Variants in PYGB observed in about 807,000 individuals in gnomAD.
PYGB encodes glycogen phosphorylase B.
In PYGB, 82 loss-of-function variants were observed where a neutral mutation model predicts 94.3. That is an observed-to-expected ratio of 0.87 (90% CI 0.73 to 1.04). The LOEUF is 1.04. PYGB is among the 50% of genes least tolerant of loss of function. PYGB has a pLI of 0.00. For missense variants in PYGB, 1,132 were observed against 1,158.2 expected, an observed-to-expected ratio of 0.98 and a Z score of 0.33; for synonymous variants, 488 against 479.1, an observed-to-expected ratio of 1.02 and a Z score of -0.24.
At chr20:25,268,400 T>A (rs989968535) in intron 2 of PYGB, among the ~76,000 whole-genome samples, 3 of 151,730 alleles carry the variant, frequency 2.0e-5, no homozygotes, top group Non-Finnish European at 2.9e-5. Context: ...TTTTTTTTTT[T>A]AATTAAACTT....
chr20:25,294,873 G>C (rs552756292), intron 18 of PYGB: 3 of 1,371,718 alleles, frequency 2.2e-6, no homozygotes, highest in Non-Finnish European at 3.1e-6. Flanking sequence ...TGAATCCGGC[G>C]AGGGCTGGGA....
intron 1 of PYGB, among the ~76,000 whole-genome samples, chr20:25,257,282 C>G (rs2092904538): frequency 6.6e-6 from 1 of 152,192 alleles, no homozygotes; most frequent in African/African-American, 2.4e-5. Context: ...TGTGGCCCGG[C>G]AGGCCCTGGG....
chr20:25,251,389 A>G (rs926413881), intron 1 of PYGB: 2 of 152,226 alleles, frequency 1.3e-5, no homozygotes, highest in African/African-American at 4.8e-5. Context: ...CATCTTTAAA[A>G]TGAGGGGAAT....
chr20:25,269,020 C>T (rs1415153803), intron 2 of PYGB, 109 bp from the exon 3 acceptor site: 1 of 935,838 alleles, frequency 1.1e-6, no homozygotes, highest in East Asian at 2.5e-5. Context: ...TAACAGAACC[C>T]AGACTCTAAC....
chr20:25,281,300 C>T (rs980205659), intron 11 of PYGB, among the ~76,000 whole-genome samples, 188 bp downstream of exon 11: 23 of 152,210 alleles, frequency 1.5e-4, no homozygotes, highest in South Asian at 1.0e-3. Context: ...GTGCGTTCAC[C>T]GACCAGCACA....
At chr20:25,257,602 G>A (rs757903361) in intron 1 of PYGB, among the ~76,000 whole-genome samples, 1 of 152,124 alleles carries the variant, frequency 6.6e-6, no homozygotes, top group African/African-American at 2.4e-5. Flanking sequence ...GCTGAGACGC[G>A]AGGATCACTT....
chr20:25,268,835 G>A (rs1600727450), intron 2 of PYGB, among the ~76,000 whole-genome samples: 1 of 152,152 alleles, frequency 6.6e-6, no homozygotes, highest in African/African-American at 2.4e-5. Context: ...CGTAAATATC[G>A]CCCATGTGAA....
chr20:25,248,392 C>T lies in PYGB; in HGVS notation c.214C>T (p.Gln72Ter), dbSNP rs768749787. The T allele has an allele frequency of 6.3e-7, 1 of 1,581,364 alleles. No homozygotes were observed. Among genetic ancestry groups the T allele is most frequent in the African/African-American group, 1.4e-5 (1 of 72,478 alleles). Residue 72 changes from glutamine (Q) to a stop codon, truncating the protein, a stop_gained, in exon 1 of 20, where the codon CAG becomes TAG. Coordinates refer to ENST00000216962, the MANE Select transcript of PYGB (RefSeq NM_002862.4). LOFTEE classifies it high-confidence loss of function. Reference sequence around the variant, plus strand: ...CCTCGTGGGCCGCTGGATCCGCACGCAGCAGCACTACTACGAGCGCGACCC... The same window carrying T: ...CCTCGTGGGCCGCTGGATCCGCACGTAGCAGCACTACTACGAGCGCGACCC... ...DHLVGRWIRTQQHYYERDPKR... is the reference protein window; with the variant it reads ...DHLVGRWIRT
intron 16 of PYGB, among the ~76,000 whole-genome samples, chr20:25,291,041 C>T (rs555509813): frequency 7.2e-5 from 11 of 152,216 alleles, no homozygotes; most frequent in African/African-American, 2.6e-4. Flanking sequence ...TGTCTTCTGC[C>T]CTGGGCCCCT....
At position 25,296,915 on chromosome 20, in the gene PYGB, T is replaced by C; in HGVS notation, c.*393T>C. ...ATTCTGGGGTCTGGGCCAGTGGCCA[T>C]AGTGAAGCCTGGGAATGAGTGTTAC... On this transcript the variant is annotated 3_prime_UTR_variant, in exon 20 of 20. Coordinates refer to ENST00000216962, the MANE Select transcript of PYGB (RefSeq NM_002862.4). 5.6e-6 allele frequency: 1 copy of C among 178,994 alleles called. No homozygotes were observed. Among genetic ancestry groups the C allele is most frequent in the South Asian group, 1.2e-4 (1 of 8,192 alleles). The allele number at this position is 178,994 out of a possible 1,614,324, so 11.1% of individuals were successfully genotyped here.
chr20:25,273,317 G>A (rs1478161596), intron 4 of PYGB, among the ~76,000 whole-genome samples: 1 of 152,194 alleles, frequency 6.6e-6, no homozygotes, highest in Non-Finnish European at 1.5e-5. Context: ...GACGCCACCA[G>A]AAGGGTCTTG....
At chr20:25,278,063 C>G (rs2123565007) in intron 7 of PYGB, among the ~76,000 whole-genome samples, 2 of 152,062 alleles carry the variant, frequency 1.3e-5, no homozygotes, top group Middle Eastern at 6.8e-3. Flanking sequence ...AAGGCCTGTG[C>G]TTGGACAGTG....
Position 25,284,049 on chromosome 20 carries a change from C to T in PYGB, c.1621-55C>T, listed in dbSNP as rs199964516. The T allele has an allele frequency of 1.8e-4, 283 of 1,595,554 alleles. 2 individuals carry two copies. Among genetic ancestry groups the T allele is most frequent in the Non-Finnish European group, 3.8e-5 (44 of 1,169,330 alleles). ...CACTTGAAGCAGGAAGCCGCAGGGT[C>T]AGTGGATGGAGTCCTGGTGAAGTCT... On this transcript the variant is annotated intron_variant, in intron 13 of 19. Coordinates refer to ENST00000216962, the MANE Select transcript of PYGB (RefSeq NM_002862.4).
intron 3 of PYGB, among the ~76,000 whole-genome samples, chr20:25,269,455 G>A (rs895948843): frequency 9.9e-5 from 15 of 152,236 alleles, no homozygotes; most frequent in Non-Finnish European, 5.9e-5. Flanking sequence ...GTAAGCTGGT[G>A]CTGGGAGGGG....
At position 25,280,972 on chromosome 20, in the gene PYGB, C is replaced by A; in HGVS notation, c.1263C>A (p.Gly421=). 2 of 1,613,992 alleles carry A rather than the reference C, an allele frequency of 1.2e-6. No individual in the cohort carries two copies. Among genetic ancestry groups the A allele is most frequent in the Non-Finnish European group, 1.7e-6 (2 of 1,179,922 alleles). Residue 421 remains glycine (G), a synonymous_variant, in exon 11 of 20, where the codon GGC becomes GGA. Transcript: ENST00000216962. ...HLDHVAALFP[G]DVDRLRRMSV... is the part of the protein sequence containing the mutation. ...AGCACGTGGCCGCGCTGTTTCCCGG[C>A]GATGTGGACCGCCTGCGCAGGATGT... is the stretch of plus-strand genomic sequence containing the variant.
chr20:25,296,478 C>G lies in PYGB; in HGVS notation c.2488C>G (p.Pro830Ala). Residue 830 changes from proline (P) to alanine (A), a missense_variant, in exon 20 of 20, where the codon CCC (proline) becomes GCC (alanine). By Grantham distance (27) the Pro-to-Ala change is conservative (BLOSUM62 -1). Transcript: ENST00000216962. The part of the protein sequence containing the change: ...EYAREIWGVE[P>A]SDLQIPPPNI... ...TGCACGGGAGATCTGGGGTGTGGAG[C>G]CCTCCGACCTGCAGATCCCGCCCCC... is the stretch of plus-strand genomic sequence containing the variant. 4.3e-6 allele frequency: 7 copies of G among 1,613,810 alleles called. No homozygotes were observed. The highest frequency in any genetic ancestry group is 5.9e-6 in the Non-Finnish European group (7 of 1,179,986).
chr20:25,254,053 C>T (rs893652279), intron 1 of PYGB, among the ~76,000 whole-genome samples: 10 of 138,238 alleles, frequency 7.2e-5, no homozygotes, highest in Non-Finnish European at 1.4e-4. Flanking sequence ...GCCTGGGCAA[C>T]GGAGCGAGAC....
intron 2 of PYGB, among the ~76,000 whole-genome samples, chr20:25,267,110 T>A (rs142326459): frequency 1.3e-5 from 2 of 152,222 alleles, no homozygotes; most frequent in African/African-American, 4.8e-5. Flanking sequence ...ATAGGGTAGG[T>A]AAACAAAATG....
chr20:25,248,735 T>C (rs1234546617), intron 1 of PYGB, among the ~76,000 whole-genome samples: 1 of 147,726 alleles, frequency 6.8e-6, no homozygotes, highest in Non-Finnish European at 1.5e-5. Context: ...GGCCGTGCGC[T>C]TCCGCGCTGG....
Sources: gnomAD v4.1 joint callset for allele counts (sites outside exome capture counted in the v4.1 genomes callset) on GRCh38, gnomAD v4.1.1 for gene constraint, MANE v1.5 for transcripts, NCBI Gene and HGNC (gene_info 2026-07-23, HGNC 2026-07-21) for gene names.